The following CYSLTR2 variants were observed in gnomAD, a reference collection of about 807,000 sequenced individuals.
CYSLTR2 encodes G-protein coupled receptor GPCR21.
For synonymous variants in CYSLTR2, 179 were observed against 160.8 expected (o/e 1.11, Z -0.86); for missense variants, 398 against 411.9 (o/e 0.97, Z 0.29).
intron 1 of CYSLTR2, among the ~76,000 whole-genome samples, chr13:48,683,127 C>T (rs1280665470): frequency 6.6e-6 from 1 of 152,088 alleles, no homozygotes; most frequent in Non-Finnish European, 1.5e-5. Context: ...TCCAGTCTAC[C>T]ATTGATGGGC....
At chr13:48,678,516 C>T (rs568893593) in intron 1 of CYSLTR2, among the ~76,000 whole-genome samples, 3 of 152,264 alleles carry the variant, frequency 2.0e-5, no homozygotes, top group African/African-American at 7.2e-5. Flanking sequence ...CACACCCCCG[C>T]TGTGCGAGCC....
intron 1 of CYSLTR2, among the ~76,000 whole-genome samples, chr13:48,684,055 A>G (rs1320525021): frequency 2.0e-5 from 3 of 152,254 alleles, no homozygotes; most frequent in Non-Finnish European, 2.9e-5. Flanking sequence ...AGTAGCCAGG[A>G]CTATAGGTGC....
intron 1 of CYSLTR2, among the ~76,000 whole-genome samples, chr13:48,672,616 C>CTTTTTTTTTTTT (rs71076039): frequency 1.7e-5 from 2 of 120,132 alleles, no homozygotes; most frequent in Non-Finnish European, 3.4e-5. Flanking sequence ...CTTTTCTTTT[C>CTTTTTTTTTTTT]TTTTTTTTTT....
At position 48,707,049 on chromosome 13, in the gene CYSLTR2, C is replaced by T. The variant is rs1487808625; in HGVS notation, c.232C>T (p.Leu78=). 6.2e-7 allele frequency: 1 copy of T among 1,614,168 alleles called. No homozygotes were observed. The highest frequency in any genetic ancestry group is 1.7e-5 in the Admixed American group (1 of 60,020). The change falls in exon 5 of 5, where the codon CTA becomes TTA. Residue 78 remains leucine, a synonymous_variant. Coordinates refer to ENST00000682523, the MANE Select transcript of CYSLTR2 (RefSeq NM_001308476.3). ...GTCCACATCTGTGAACGTTTTCATG[C>T]TAAATCTGGCCATTTCAGATCTCCT... ...KKSTSVNVFM[L]NLAISDLLFI...
chr13:48,687,126 C>T (rs1409855095), intron 1 of CYSLTR2, among the ~76,000 whole-genome samples: 5 of 152,090 alleles, frequency 3.3e-5, no homozygotes, highest in African/African-American at 9.7e-5. Context: ...GCTCTCTGGC[C>T]TTAGGACTCT....
At chr13:48,657,141 G>A (rs1953017528) in intron 1 of CYSLTR2, among the ~76,000 whole-genome samples, 1 of 152,216 alleles carries the variant, frequency 6.6e-6, no homozygotes, top group Admixed American at 6.5e-5. Context: ...ATTAGTTACA[G>A]CTAATGTTTA....
rs570724659 is a variant in CYSLTR2 at position 48,655,963 on chromosome 13, T to C, written c.-266+1946T>C. On this transcript the variant is annotated intron_variant, in intron 1 of 4. Coordinates refer to ENST00000682523, the MANE Select transcript of CYSLTR2 (RefSeq NM_001308476.3). ...AGTTAAATGATGACATTGATGTTGT[T>C]AGTTGGCAAAGAAAGGTGATCATGA... Among the ~76,000 whole-genome samples the C allele has an allele frequency of 3.9e-5, 6 of 152,326 alleles. No individual in the cohort carries two copies. The East Asian group carries it at 1.2e-3, about 29-fold the overall frequency.
chr13:48,671,219 C>A (rs760774714), intron 1 of CYSLTR2, among the ~76,000 whole-genome samples: 1 of 152,200 alleles, frequency 6.6e-6, no homozygotes, highest in Non-Finnish European at 1.5e-5. Flanking sequence ...ATGTCATCTG[C>A]GAACAGAAAC....
At chr13:48,673,168 T>C (rs985364055) in intron 1 of CYSLTR2, among the ~76,000 whole-genome samples, 1 of 152,182 alleles carries the variant, frequency 6.6e-6, no homozygotes, top group Non-Finnish European at 1.5e-5. Flanking sequence ...CTTGTTAATT[T>C]TCTGTCTCAT....
intron 4 of CYSLTR2, among the ~76,000 whole-genome samples, chr13:48,705,595 T>G (rs529320520): frequency 1.3e-5 from 2 of 149,114 alleles, no homozygotes; most frequent in African/African-American, 4.9e-5. Context: ...GGTATTTCTC[T>G]CTATATATAT....
intron 1 of CYSLTR2, among the ~76,000 whole-genome samples, chr13:48,678,683 C>T (rs1042986034): frequency 6.6e-6 from 1 of 152,068 alleles, no homozygotes; most frequent in African/African-American, 2.4e-5. Flanking sequence ...AATTAAACTC[C>T]CCATTTCTTC....
rs557804914 is a variant in CYSLTR2 at position 48,661,143 on chromosome 13, T to C, written c.-266+7126T>C. Among the ~76,000 whole-genome samples the C allele has an allele frequency of 1.6e-4, 24 of 152,120 alleles. 1 individual carries two copies. The South Asian group carries it at 5.0e-3, about 32-fold the overall frequency. On this transcript the variant is annotated intron_variant, in intron 1 of 4. Transcript: ENST00000682523. ...TAATTTTTCTTTTTTATTGAGACAG[T>C]GTCTTGCTCTATTGCCCAGGCTGCT...
At chr13:48,698,642 T>G (rs1404687609) in intron 4 of CYSLTR2, among the ~76,000 whole-genome samples, 1 of 152,148 alleles carries the variant, frequency 6.6e-6, no homozygotes, top group East Asian at 1.9e-4. Context: ...GCTAACATCA[T>G]AATAACAAGA....
rs1237025214 is a variant in CYSLTR2, at chr13:48,680,305, C to T, written c.-265-10907C>T. Among the ~76,000 whole-genome samples, 3 of 152,132 alleles carry T rather than the reference C, an allele frequency of 2.0e-5. No homozygotes were observed. The East Asian group carries it at 5.8e-4, about 29-fold the overall frequency. ...GGAGTCTGTGCCAATGTCTAATGAT[C>T]CCGTGAGAATCTATCAAAAGATGTA... On this transcript the variant is annotated intron_variant, in intron 1 of 4. Transcript: ENST00000682523.
At chr13:48,664,857 G>T (rs2138825737) in intron 1 of CYSLTR2, among the ~76,000 whole-genome samples, 1 of 151,284 alleles carries the variant, frequency 6.6e-6, no homozygotes, top group Admixed American at 6.6e-5. Context: ...CTAATTTTGG[G>T]CTTAGTTTGC....
intron 1 of CYSLTR2, among the ~76,000 whole-genome samples, chr13:48,689,152 A>G (rs944475707): frequency 6.6e-5 from 10 of 152,174 alleles, no homozygotes; most frequent in Non-Finnish European, 1.3e-4. Flanking sequence ...GATTCTGGAT[A>G]TTAGCCCTTT....
At chr13:48,705,476 T>G (rs990327244) in intron 4 of CYSLTR2, among the ~76,000 whole-genome samples, 1 of 151,808 alleles carries the variant, frequency 6.6e-6, no homozygotes, top group Non-Finnish European at 1.5e-5. Flanking sequence ...TCTGTTTTCT[T>G]TTTCCTGCCT....
At chr13:48,705,769 T>C (rs1338681503) in intron 4 of CYSLTR2, among the ~76,000 whole-genome samples, 2 of 151,154 alleles carry the variant, frequency 1.3e-5, no homozygotes, top group Non-Finnish European at 2.9e-5. Flanking sequence ...TTCCTCTACA[T>C]CCATTTAAAA....
Position 48,708,063 on chromosome 13 carries a change from G to A in CYSLTR2, c.*205G>A. On this transcript the variant is annotated 3_prime_UTR_variant, in exon 5 of 5. Transcript: ENST00000682523. ...TGAGTCTTAATGAGGGATACAGGAG[G>A]AAAAATCCCTACTAGAGTCCTGTGG... The A allele has an allele frequency of 2.3e-6, 1 of 443,516 alleles. No homozygotes were observed. Among genetic ancestry groups the A allele is most frequent in the Non-Finnish European group, 4.0e-6 (1 of 246,924 alleles). The allele number at this position is 443,516 out of a possible 1,614,324, so 27.5% of individuals were successfully genotyped here.
Sources: gnomAD v4.1 joint callset for allele counts (sites outside exome capture counted in the v4.1 genomes callset) on GRCh38, gnomAD v4.1.1 for gene constraint, MANE v1.5 for transcripts, NCBI Gene and HGNC (gene_info 2026-07-23, HGNC 2026-07-21) for gene names.